The following CCSER1 variants were observed in gnomAD, a reference collection of about 807,000 sequenced individuals.
CCSER1 encodes the protein serine-rich coiled-coil domain-containing protein 1.
Under a neutral mutation model 82.0 loss-of-function variants are expected in CCSER1, and 41 were observed. That is an observed-to-expected ratio of 0.50 (90% confidence interval 0.39 to 0.65). CCSER1 has a LOEUF of 0.65. Ranked by LOEUF, CCSER1 falls within the 30% of genes least tolerant of loss-of-function variation. CCSER1 has a pLI of 0.00. For synonymous variants in CCSER1, 414 were observed against 383.9 expected, an observed-to-expected ratio of 1.08 and a Z score of -0.92; for missense variants, 1,119 against 1,064.2, an observed-to-expected ratio of 1.05 and a Z score of -0.72.
intron 7 of CCSER1, among the ~76,000 whole-genome samples, chr4:90,806,922 A>G (rs149034766): frequency 2.0e-5 from 3 of 147,262 alleles, no homozygotes; most frequent in East Asian, 2.0e-4. Flanking sequence ...AACTTTATGT[A>G]TCCTTAACTC....
chr4:90,312,922 T>C lies in CCSER1; in HGVS notation c.1384T>C (p.Ser462Pro). 6.3e-7 allele frequency: 1 copy of C among 1,587,606 alleles called. No homozygotes were observed. The highest frequency in any genetic ancestry group is 8.6e-7 in the Non-Finnish European group (1 of 1,165,774). ...AAGATTTATAGAGAGGAGACTGCGA[T>C]CCTCGTCAGAAGGCACTGCAGGGAG... ...EGRFIERRLR[S>P]SSEGTAGSSR... The change falls in exon 3 of 11, where the codon TCC (serine) becomes CCC (proline). Residue 462 changes from serine (S) to proline (P), a missense_variant. Coordinates refer to ENST00000509176, the MANE Select transcript of CCSER1 (RefSeq NM_001145065.2).
chr4:90,999,241 A>G (rs1037171817), intron 9 of CCSER1, among the ~76,000 whole-genome samples: 1 of 152,222 alleles, frequency 6.6e-6, no homozygotes, highest in Admixed American at 6.5e-5. Flanking sequence ...TTTTGGATAT[A>G]CATCCAGTAA....
At chr4:91,584,771 G>A (rs1254572003) in intron 10 of CCSER1, among the ~76,000 whole-genome samples, 3 of 151,136 alleles carry the variant, frequency 2.0e-5, no homozygotes, top group Non-Finnish European at 4.4e-5. Flanking sequence ...TATAAACATT[G>A]TTATTAAAAA....
intron 9 of CCSER1, among the ~76,000 whole-genome samples, chr4:91,050,870 A>G (rs1388628550): frequency 1.3e-5 from 2 of 152,194 alleles, no homozygotes; most frequent in Non-Finnish European, 2.9e-5. Context: ...TTGAATAGCT[A>G]TCTCGTTGAA....
intron 10 of CCSER1, among the ~76,000 whole-genome samples, chr4:91,499,696 T>C (rs75782253): frequency 0.1 from 15,953 of 152,066 alleles, 994 homozygotes; most frequent in Middle Eastern, 0.19. Flanking sequence ...TTTTTACTTT[T>C]CCAAAATGTC....
chr4:90,931,577 G>A lies in CCSER1; in HGVS notation c.2172+8130G>A, dbSNP rs552001070. 2.6e-5 allele frequency among the ~76,000 whole-genome samples: 4 copies of A among 152,196 alleles called. No individual in the cohort carries two copies. In the South Asian group the frequency reaches 6.2e-4, roughly 24 times the overall value. ...TCCGTAACATAGAAGATGGTATTTT[G>A]TTTTTCACAGTACACTAGCTCATGG... On this transcript the variant is annotated intron_variant, in intron 9 of 10. Transcript: ENST00000509176.
In CCSER1 at chr4:90,348,146, A is replaced by T. The variant is rs542344187; in HGVS notation, c.1509+35099A>T. Among the ~76,000 whole-genome samples the T allele has an allele frequency of 5.3e-5, 8 of 152,310 alleles. No individual in the cohort carries two copies. The East Asian group carries it at 1.5e-3, about 29-fold the overall frequency. ...GGAGGGTGGGAGGAGGGAGAAGATC[A>T]GGAAAAATAACAAATGGGTACTAGG... On this transcript the variant is annotated intron_variant, in intron 3 of 10. Coordinates refer to ENST00000509176, the MANE Select transcript of CCSER1 (RefSeq NM_001145065.2).
At chr4:90,624,343 A>G (rs1251478833) in intron 5 of CCSER1, among the ~76,000 whole-genome samples, 1 of 152,202 alleles carries the variant, frequency 6.6e-6, no homozygotes, top group Non-Finnish European at 1.5e-5. Context: ...TTTGAAGAGC[A>G]CTTGTGGGCA....
chr4:90,363,497 A>G (rs561827028), intron 3 of CCSER1, among the ~76,000 whole-genome samples: 87 of 152,138 alleles, frequency 5.7e-4, no homozygotes, highest in African/African-American at 2.1e-3. Flanking sequence ...ATATTTCCTG[A>G]CTTTAAGTGC....
intron 6 of CCSER1, among the ~76,000 whole-genome samples, chr4:90,655,430 T>A (rs906177558): frequency 6.6e-6 from 1 of 152,012 alleles, no homozygotes; most frequent in African/African-American, 2.4e-5. Flanking sequence ...AAAGAGAACT[T>A]TGGGAAGTTT....
intron 10 of CCSER1, among the ~76,000 whole-genome samples, chr4:91,380,695 T>A (rs890253957): frequency 1.1e-4 from 17 of 152,324 alleles, no homozygotes; most frequent in Middle Eastern, 3.4e-3. Flanking sequence ...CTTGACTCTT[T>A]ATCTGATTTG....
At position 90,916,198 on chromosome 4, in the gene CCSER1, C is replaced by T. The variant is rs561901779; in HGVS notation, c.2095-7172C>T. On this transcript the variant is annotated intron_variant, in intron 8 of 10. Transcript: ENST00000509176. Reference sequence around the variant, plus strand: ...TCATATGGAACCAAAAAAGAGCCCGCATTGCCAAGTCAATCCTAAACCAAA... The same window carrying T: ...TCATATGGAACCAAAAAAGAGCCCGTATTGCCAAGTCAATCCTAAACCAAA... Among the ~76,000 whole-genome samples the T allele has an allele frequency of 5.3e-5, 8 of 152,160 alleles. No individual in the cohort carries two copies. The South Asian group carries it at 1.7e-3, about 32-fold the overall frequency.
At chr4:90,829,743 C>A (rs1356266901) in intron 8 of CCSER1, among the ~76,000 whole-genome samples, 3 of 151,884 alleles carry the variant, frequency 2.0e-5, no homozygotes, top group African/African-American at 4.8e-5. Context: ...TAGATGACAG[C>A]AAAAAAAGAG....
At chr4:90,913,883 A>T (rs769821812) in intron 8 of CCSER1, among the ~76,000 whole-genome samples, 59 of 152,184 alleles carry the variant, frequency 3.9e-4, no homozygotes, top group Non-Finnish European at 6.0e-4. Context: ...AACAAAAATC[A>T]AAAGAGACAA....
In CCSER1 at chr4:91,599,276, T is replaced by G. The variant is rs375859720; in HGVS notation, c.*219T>G. ...TTAATTGAACTAGGTTGCATTGCCT[T>G]GAAGACTTTACTATATAGGTGTATA... On this transcript the variant is annotated 3_prime_UTR_variant, in exon 11 of 11. Coordinates refer to ENST00000509176, the MANE Select transcript of CCSER1 (RefSeq NM_001145065.2). 1.1e-4 allele frequency: 53 copies of G among 502,926 alleles called. 1 individual carries two copies. Among genetic ancestry groups the G allele is most frequent in the South Asian group, 9.7e-4 (27 of 27,794 alleles). The allele number at this position is 502,926 out of a possible 1,614,324, so 31.2% of individuals were successfully genotyped here.
intron 10 of CCSER1, among the ~76,000 whole-genome samples, chr4:91,509,669 C>T (rs2110112173): frequency 6.6e-6 from 1 of 152,184 alleles, no homozygotes; most frequent in African/African-American, 2.4e-5. Context: ...AAACCTCCAG[C>T]TATTTCTAAT....
intron 3 of CCSER1, among the ~76,000 whole-genome samples, chr4:90,375,735 C>T (rs537504552): frequency 1.2e-4 from 18 of 152,312 alleles, no homozygotes; most frequent in East Asian, 1.9e-4. Flanking sequence ...TGCCAAACCT[C>T]TGGATGTCCT....
chr4:90,313,186 T>A, intron 3 of CCSER1, 139 bp downstream of exon 3: 1 of 733,868 alleles, frequency 1.4e-6, no homozygotes, highest in Non-Finnish European at 2.2e-6. Flanking sequence ...TAGTTGACAT[T>A]ACAAGTCAGA....
intron 5 of CCSER1, among the ~76,000 whole-genome samples, chr4:90,598,672 G>A (rs917434120): frequency 1.3e-5 from 2 of 152,038 alleles, no homozygotes; most frequent in African/African-American, 4.8e-5. Context: ...AAATTTTTCT[G>A]CTGTTGAATT....
Sources: gnomAD v4.1 joint callset for allele counts (sites outside exome capture counted in the v4.1 genomes callset) on GRCh38, gnomAD v4.1.1 for gene constraint, MANE v1.5 for transcripts, NCBI Gene and HGNC (gene_info 2026-07-23, HGNC 2026-07-21) for gene names.